CNTN5: variants seen among roughly 807,000 people sequenced by gnomAD.
CNTN5 encodes contactin 5.
Under a neutral mutation model 129.1 loss-of-function variants are expected in CNTN5, and 77 were observed. The observed-to-expected ratio is 0.60, with a 90% confidence interval of 0.50 to 0.72. CNTN5 has a LOEUF of 0.72. Ranked by LOEUF, CNTN5 falls within the 30% of genes least tolerant of loss-of-function variation. The probability of loss-of-function intolerance (pLI) is 0.00; values close to 1 mark genes in which losing one functional copy is unlikely to be tolerated. For missense variants in CNTN5, 1,478 were observed against 1,328.8 expected (o/e 1.11, Z -1.75); for synonymous variants, 509 against 465.6 (o/e 1.09, Z -1.20).
chr11:99,653,601 T>G (rs1378198599), intron 3 of CNTN5, among the ~76,000 whole-genome samples: 1 of 152,164 alleles, frequency 6.6e-6, no homozygotes, highest in East Asian at 1.9e-4. Flanking sequence ...GGGAAAATGC[T>G]TATAGGCAAG....
intron 8 of CNTN5, among the ~76,000 whole-genome samples, chr11:99,973,858 T>A (rs1937745816): frequency 6.6e-6 from 1 of 152,212 alleles, no homozygotes; most frequent in South Asian, 2.1e-4. Flanking sequence ...TGAGATATTT[T>A]GCACATTTAC....
At chr11:99,027,097 G>A (rs1172038176) in intron 1 of CNTN5, among the ~76,000 whole-genome samples, 2 of 151,122 alleles carry the variant, frequency 1.3e-5, no homozygotes, top group Non-Finnish European at 1.5e-5. Context: ...AATGACAGAA[G>A]GGGTTTTTTT....
At chr11:100,031,469 G>A (rs1941703271) in intron 9 of CNTN5, among the ~76,000 whole-genome samples, 1 of 152,138 alleles carries the variant, frequency 6.6e-6, no homozygotes, top group African/African-American at 2.4e-5. Context: ...ATAAACGGAT[G>A]CATGAGGGGC....
At chr11:99,269,392 A>G (rs2135851188) in intron 1 of CNTN5, among the ~76,000 whole-genome samples, 1 of 151,890 alleles carries the variant, frequency 6.6e-6, no homozygotes, top group African/African-American at 2.4e-5. Flanking sequence ...AACTAATAAT[A>G]TAAAGATTGT....
chr11:99,416,556 G>GTCTCT (rs1468907323), intron 2 of CNTN5, among the ~76,000 whole-genome samples: 2 of 152,088 alleles, frequency 1.3e-5, no homozygotes, highest in Non-Finnish European at 1.5e-5. Flanking sequence ...AAACTGCTGA[G>GTCTCT]ATTACAAGCA....
At chr11:100,155,500 A>G (rs11222999) in intron 13 of CNTN5, among the ~76,000 whole-genome samples, 11,111 of 152,008 alleles carry the variant, frequency 0.073, 412 homozygotes, top group Non-Finnish European at 0.082. Context: ...TCTTGGCTAT[A>G]TGGGCTCTTT....
At chr11:99,613,282 T>G (rs1288562253) in intron 3 of CNTN5, among the ~76,000 whole-genome samples, 3 of 152,154 alleles carry the variant, frequency 2.0e-5, no homozygotes, top group Non-Finnish European at 2.9e-5. Context: ...GTGAGTTAGC[T>G]CTCATGAGAT....
At position 99,884,624 on chromosome 11, in the gene CNTN5, A is replaced by G. The variant is rs370944708; in HGVS notation, c.578-31430A>G. ...ATACTGAGCAACATGAATAATAATG[A>G]AATCCACAGTTAGACACATTATAGT... On this transcript the variant is annotated intron_variant, in intron 6 of 24. Transcript: ENST00000524871. Among the ~76,000 whole-genome samples the G allele has an allele frequency of 1.2e-4, 18 of 152,352 alleles. No individual in the cohort carries two copies. In the East Asian group the frequency reaches 2.9e-3, roughly 24 times the overall value.
intron 3 of CNTN5, among the ~76,000 whole-genome samples, chr11:99,760,507 A>T (rs1357628648): frequency 6.6e-6 from 1 of 152,152 alleles, no homozygotes; most frequent in Non-Finnish European, 1.5e-5. Flanking sequence ...TTGTTACGTT[A>T]TACATTCATG....
At chr11:99,290,844 C>A (rs1864144158) in intron 1 of CNTN5, among the ~76,000 whole-genome samples, 1 of 151,786 alleles carries the variant, frequency 6.6e-6, no homozygotes, top group Admixed American at 6.6e-5. Context: ...AAGTTTCTAA[C>A]TTTTGCTGGT....
rs369360029 is a variant in CNTN5 at position 99,257,606 on chromosome 11, C to T, written c.-209-67740C>T. On this transcript the variant is annotated intron_variant, in intron 1 of 24. Coordinates refer to ENST00000524871, the MANE Select transcript of CNTN5 (RefSeq NM_014361.4). ...TTTATTTTTAATATTGAAATGGTTACGCTTTGGATTCTATCTTAGCAAGTT... is the reference window on the plus strand; with the variant it reads ...TTTATTTTTAATATTGAAATGGTTATGCTTTGGATTCTATCTTAGCAAGTT... Among the ~76,000 whole-genome samples the T allele has an allele frequency of 1.5e-4, 23 of 151,794 alleles. No homozygotes were observed. In the East Asian group the frequency reaches 1.9e-3, roughly 13 times the overall value.
At chr11:99,692,385 T>C (rs114029405) in intron 3 of CNTN5, among the ~76,000 whole-genome samples, 4,196 of 152,258 alleles carry the variant, frequency 0.028, 185 homozygotes, top group African/African-American at 0.092. Flanking sequence ...ATGGTTTTTC[T>C]TTTCCGTGTT....
At chr11:99,046,859 T>C (rs563371634) in intron 1 of CNTN5, among the ~76,000 whole-genome samples, 2 of 152,230 alleles carry the variant, frequency 1.3e-5, no homozygotes, top group South Asian at 4.1e-4. Flanking sequence ...TTGTCAGGCT[T>C]AACTGGAGTT....
intron 10 of CNTN5, among the ~76,000 whole-genome samples, chr11:100,068,665 G>A (rs529906195): frequency 1.2e-4 from 19 of 152,228 alleles, no homozygotes; most frequent in Admixed American, 3.3e-4. Flanking sequence ...GATGATTTCC[G>A]AAGGCAGGTA....
intron 4 of CNTN5, among the ~76,000 whole-genome samples, chr11:99,840,099 C>T (rs1347522259): frequency 6.6e-6 from 1 of 152,010 alleles, no homozygotes; most frequent in African/African-American, 2.4e-5. Context: ...AAAATCTGGT[C>T]ACTTAAAAAT....
intron 13 of CNTN5, among the ~76,000 whole-genome samples, chr11:100,083,357 T>C (rs1591203850): frequency 6.9e-6 from 1 of 145,718 alleles, no homozygotes; most frequent in African/African-American, 2.5e-5. Context: ...GGTCCCAGAG[T>C]ATTTTAAACA....
At chr11:99,270,081 C>A (rs1565452038) in intron 1 of CNTN5, among the ~76,000 whole-genome samples, 1 of 151,662 alleles carries the variant, frequency 6.6e-6, no homozygotes, top group Non-Finnish European at 1.5e-5. Context: ...ACGTTTGTAT[C>A]CTGTGCTCAT....
At chr11:100,096,459 G>C (rs1216113137) in intron 13 of CNTN5, among the ~76,000 whole-genome samples, 1 of 152,006 alleles carries the variant, frequency 6.6e-6, no homozygotes, top group Non-Finnish European at 1.5e-5. Flanking sequence ...CCCTTGGCTA[G>C]TGTGTAAACA....
In CNTN5 at chr11:99,573,875, G is replaced by A. The variant is rs1347142392; in HGVS notation, c.55+17606G>A. On this transcript the variant is annotated intron_variant, in intron 3 of 24. Transcript: ENST00000524871. ...ACATGTTCTTCTACCACCGTCACAC[G>A]TTTCAATTCTTAAAAGAAATCAAAG... Among the ~76,000 whole-genome samples the A allele has an allele frequency of 2.6e-5, 4 of 151,938 alleles. No homozygotes were observed. In the East Asian group the frequency reaches 5.8e-4, roughly 22 times the overall value.
Sources: gnomAD v4.1 joint callset for allele counts (sites outside exome capture counted in the v4.1 genomes callset) on GRCh38, gnomAD v4.1.1 for gene constraint, MANE v1.5 for transcripts, NCBI Gene and HGNC (gene_info 2026-07-23, HGNC 2026-07-21) for gene names.